The following STXBP6 variants were observed in gnomAD, a reference collection of about 807,000 sequenced individuals.
STXBP6 encodes the protein syntaxin-binding protein 6.
A neutral mutation model predicts 26.9 loss-of-function variants in STXBP6; 21 were observed. That is an observed-to-expected ratio of 0.78 (90% CI 0.55 to 1.12). The LOEUF (loss-of-function observed/expected upper bound fraction) is 1.12. Ranked by LOEUF, STXBP6 falls within the 50% of genes most tolerant of loss-of-function variation. The pLI, the probability that STXBP6 is intolerant of heterozygous loss-of-function variation, is 0.00. For synonymous variants in STXBP6, 97 were observed against 92.6 expected (o/e 1.05, Z -0.27); for missense variants, 232 against 257.9 (o/e 0.90, Z 0.69).
chr14:24,845,959 T>C (rs2068946775), intron 4 of STXBP6, among the ~76,000 whole-genome samples: 1 of 152,162 alleles, frequency 6.6e-6, no homozygotes, highest in South Asian at 2.1e-4. Flanking sequence ...CCCTGGGGCC[T>C]CCAGAAGGAC....
chr14:24,814,662 T>A (rs1320839912), intron 5 of STXBP6, among the ~76,000 whole-genome samples: 1 of 152,256 alleles, frequency 6.6e-6, no homozygotes, highest in Non-Finnish European at 1.5e-5. Flanking sequence ...AGTATTGGCA[T>A]GGTCCAAATG....
intron 1 of STXBP6, among the ~76,000 whole-genome samples, chr14:25,000,066 A>AT (rs376697368): frequency 0.024 from 3,474 of 146,382 alleles, 86 homozygotes; most frequent in African/African-American, 0.062. Context: ...GCTTCAAATA[A>AT]TTTTTTTTTT....
At chr14:24,953,527 C>T (rs767875965) in intron 2 of STXBP6, among the ~76,000 whole-genome samples, 3 of 152,192 alleles carry the variant, frequency 2.0e-5, no homozygotes, top group Non-Finnish European at 2.9e-5. Flanking sequence ...GCTGCTCCCA[C>T]GCTTTCCGCA....
At chr14:24,873,189 T>C (rs1310952645) in intron 2 of STXBP6, among the ~76,000 whole-genome samples, 1 of 152,156 alleles carries the variant, frequency 6.6e-6, no homozygotes, top group Non-Finnish European at 1.5e-5. Context: ...TAAAAATGTA[T>C]CCCCTGATAA....
At chr14:24,829,941 C>T (rs1449710316) in intron 4 of STXBP6, among the ~76,000 whole-genome samples, 1 of 152,080 alleles carries the variant, frequency 6.6e-6, no homozygotes, top group Admixed American at 6.5e-5. Context: ...TGTTAACAAA[C>T]ACTGTGCTGT....
intron 1 of STXBP6, among the ~76,000 whole-genome samples, chr14:24,996,554 T>TA (rs1260532516): frequency 6.7e-6 from 1 of 150,226 alleles, no homozygotes; most frequent in Non-Finnish European, 1.5e-5. Flanking sequence ...TTAAAAAAAA[T>TA]AAAAAATTAA....
At chr14:24,987,014 G>A (rs1014964237) in intron 1 of STXBP6, among the ~76,000 whole-genome samples, 21 of 152,088 alleles carry the variant, frequency 1.4e-4, no homozygotes, top group African/African-American at 5.1e-4. Flanking sequence ...TAATCAGCAT[G>A]TTCCAGAAAA....
intron 2 of STXBP6, among the ~76,000 whole-genome samples, chr14:24,943,044 C>T (rs1220913113): frequency 6.6e-6 from 1 of 152,208 alleles, no homozygotes; most frequent in East Asian, 1.9e-4. Flanking sequence ...GCTCACTCTT[C>T]GGAAGTTGGC....
intron 4 of STXBP6, among the ~76,000 whole-genome samples, chr14:24,825,508 T>C (rs2068255668): frequency 6.6e-6 from 1 of 152,208 alleles, no homozygotes; most frequent in East Asian, 1.9e-4. Flanking sequence ...TGTAAGTCCA[T>C]AAATGCAAAA....
intron 2 of STXBP6, among the ~76,000 whole-genome samples, chr14:24,948,118 C>G (rs894345992): frequency 6.6e-6 from 1 of 152,108 alleles, no homozygotes; most frequent in Non-Finnish European, 1.5e-5. Context: ...AGGCGCCAAT[C>G]CCACTTCTCT....
At chr14:24,975,162 G>A (rs2074013361) in intron 1 of STXBP6, among the ~76,000 whole-genome samples, 1 of 152,086 alleles carries the variant, frequency 6.6e-6, no homozygotes. Flanking sequence ...CCTCTAACTG[G>A]CAAGCAGTAC....
At chr14:24,974,542 G>C in intron 2 of STXBP6, 123 bp downstream of exon 2, 1 of 802,310 alleles carries the variant, frequency 1.2e-6, no homozygotes, top group Non-Finnish European at 1.8e-6. Context: ...GAAAAACGGG[G>C]AAAAGGAGCA....
intron 2 of STXBP6, among the ~76,000 whole-genome samples, chr14:24,899,623 A>G (rs1015426298): frequency 3.3e-5 from 5 of 152,056 alleles, no homozygotes; most frequent in African/African-American, 1.2e-4. Flanking sequence ...TCTACTAAAA[A>G]TACAAAAATT....
chr14:25,017,974 G>C (rs941076147), intron 1 of STXBP6, among the ~76,000 whole-genome samples: 10 of 152,098 alleles, frequency 6.6e-5, no homozygotes, highest in African/African-American at 2.4e-4. Context: ...AAATGCTCTT[G>C]GTCGTGGATC....
At chr14:25,000,359 G>A (rs1474999657) in intron 1 of STXBP6, among the ~76,000 whole-genome samples, 1 of 148,706 alleles carries the variant, frequency 6.7e-6, no homozygotes, top group Admixed American at 6.7e-5. Context: ...CACCGTGCCT[G>A]GCCTTTTTTT....
intron 1 of STXBP6, among the ~76,000 whole-genome samples, chr14:24,979,354 C>T (rs1345616282): frequency 6.6e-6 from 1 of 152,208 alleles, no homozygotes; most frequent in Middle Eastern, 3.2e-3. Flanking sequence ...AAAGCAGATG[C>T]AGTCAGCATG....
chr14:24,867,418 A>G (rs778709195), intron 2 of STXBP6, among the ~76,000 whole-genome samples: 2 of 152,224 alleles, frequency 1.3e-5, no homozygotes, highest in Non-Finnish European at 2.9e-5. Context: ...AAGACAATAA[A>G]CTAATCAGGA....
At chr14:24,944,411 GC>G (rs1371080774) in intron 2 of STXBP6, among the ~76,000 whole-genome samples, 3 of 152,162 alleles carry the variant, frequency 2.0e-5, no homozygotes, top group African/African-American at 7.2e-5. Context: ...TGGCGGAAAA[GC>G]CCTTACCCCA....
chr14:25,043,247 C>T (rs1054907117), intron 1 of STXBP6, among the ~76,000 whole-genome samples: 2 of 152,186 alleles, frequency 1.3e-5, no homozygotes, highest in East Asian at 1.9e-4. Flanking sequence ...AGTAAACTTT[C>T]GAATGAGAGA....
Sources: allele counts gnomAD v4.1 joint callset (sites outside exome capture counted in the v4.1 genomes callset), GRCh38; gene constraint gnomAD v4.1.1; transcripts MANE v1.5; gene names NCBI Gene and HGNC (gene_info 2026-07-23, HGNC 2026-07-21).